Variants in CDK19 observed in about 807,000 individuals in gnomAD.
CDK19 encodes cyclin dependent kinase 19.
A neutral mutation model predicts 68.3 loss-of-function variants in CDK19; 20 were observed. The observed-to-expected ratio is 0.29, with a 90% CI of 0.21 to 0.43. CDK19 has a LOEUF of 0.43. Among genes scored for constraint, CDK19 ranks in the 20% least tolerant of loss-of-function variants. CDK19 has a pLI of 1.00. For synonymous variants in CDK19, 221 were observed against 222.8 expected (o/e 0.99, Z 0.07); for missense variants, 339 against 623.5 (o/e 0.54, Z 4.86).
intron 1 of CDK19, among the ~76,000 whole-genome samples, chr6:110,790,385 A>C (rs1342181582): frequency 2.0e-5 from 3 of 152,098 alleles, no homozygotes; most frequent in Admixed American, 1.3e-4. Context: ...AAATAGAAAA[A>C]TTAGCCCAGC....
At chr6:110,659,385 A>G (rs965238707) in intron 4 of CDK19, among the ~76,000 whole-genome samples, 3 of 152,220 alleles carry the variant, frequency 2.0e-5, no homozygotes, top group East Asian at 3.8e-4. Flanking sequence ...TCATACAGAG[A>G]TATCTTCACT....
intron 2 of CDK19, among the ~76,000 whole-genome samples, chr6:110,733,196 C>T (rs1288845506): frequency 1.3e-5 from 2 of 152,112 alleles, no homozygotes; most frequent in South Asian, 2.1e-4. Flanking sequence ...TAAATAAAAC[C>T]ATACCCATAT....
At chr6:110,686,712 C>A (rs1473874991) in intron 2 of CDK19, among the ~76,000 whole-genome samples, 1 of 151,930 alleles carries the variant, frequency 6.6e-6, no homozygotes, top group East Asian at 1.9e-4. Flanking sequence ...CAAAAATATT[C>A]AAAAAAATTA....
rs1772445139 is a variant in CDK19, at chr6:110,686,020, C to T, written c.205-15479G>A. ...GCCCATTACGTCCCATGAAGCCTTGCCCTGGGACATGGGAATGAGGCAGAA... is the reference window on the plus strand; with the variant it reads ...GCCCATTACGTCCCATGAAGCCTTGTCCTGGGACATGGGAATGAGGCAGAA... On this transcript the variant is annotated intron_variant, in intron 2 of 12. Coordinates refer to ENST00000368911, the MANE Select transcript of CDK19 (RefSeq NM_015076.5). Among the ~76,000 whole-genome samples the T allele has an allele frequency of 2.0e-5, 3 of 152,230 alleles. No individual in the cohort carries two copies. The South Asian group carries it at 6.2e-4, about 32-fold the overall frequency.
intron 1 of CDK19, among the ~76,000 whole-genome samples, chr6:110,803,707 T>C (rs1052902045): frequency 6.6e-6 from 1 of 152,214 alleles, no homozygotes; most frequent in African/African-American, 2.4e-5. Flanking sequence ...GGCTTACACT[T>C]GTAATCCCAG....
chr6:110,792,620 T>C (rs1781679623), intron 1 of CDK19, among the ~76,000 whole-genome samples: 1 of 152,204 alleles, frequency 6.6e-6, no homozygotes, highest in Non-Finnish European at 1.5e-5. Context: ...GTTGCCAGGC[T>C]GGTCTCGAAC....
intron 5 of CDK19, among the ~76,000 whole-genome samples, chr6:110,636,803 G>A (rs1037111954): frequency 6.6e-6 from 1 of 152,216 alleles, no homozygotes; most frequent in East Asian, 1.9e-4. Context: ...GGAAAAGGAC[G>A]ATGAAGGTTT....
intron 1 of CDK19, among the ~76,000 whole-genome samples, chr6:110,769,026 G>C (rs545615946): frequency 5.3e-5 from 8 of 151,236 alleles, no homozygotes; most frequent in Non-Finnish European, 1.2e-4. Context: ...ATGGTGGCAC[G>C]TGCCTGTAGT....
At chr6:110,657,276 G>T (rs1019825941) in intron 4 of CDK19, among the ~76,000 whole-genome samples, 1 of 152,128 alleles carries the variant, frequency 6.6e-6, no homozygotes, top group Non-Finnish European at 1.5e-5. Flanking sequence ...ACTGATTATG[G>T]CCCTCCCTAT....
At chr6:110,649,021 T>C (rs565969152) in intron 4 of CDK19, among the ~76,000 whole-genome samples, 52 of 152,220 alleles carry the variant, frequency 3.4e-4, no homozygotes, top group African/African-American at 1.2e-3. Flanking sequence ...CGAAACCTTA[T>C]CTTAAATGAC....
intron 6 of CDK19, 44 bp downstream of exon 6, chr6:110,631,986 G>C (rs1204965726): frequency 1.4e-5 from 22 of 1,534,478 alleles, no homozygotes; most frequent in Non-Finnish European, 2.0e-5. Context: ...TTATATTTAT[G>C]ATCGTTAGAT....
chr6:110,758,009 T>C (rs557566355), intron 1 of CDK19, among the ~76,000 whole-genome samples: 3 of 152,168 alleles, frequency 2.0e-5, no homozygotes, highest in African/African-American at 4.8e-5. Flanking sequence ...CTGGGCAACG[T>C]GGCAAGACCC....
Position 110,796,626 on chromosome 6 carries a change from G to T in CDK19, c.128+18383C>A, listed in dbSNP as rs575276324. Among the ~76,000 whole-genome samples the T allele has an allele frequency of 5.9e-4, 89 of 152,052 alleles. 1 individual carries two copies. Among genetic ancestry groups the T allele is most frequent in the African/African-American group, 2.0e-3 (81 of 41,466 alleles). On this transcript the variant is annotated intron_variant, in intron 1 of 12. Coordinates refer to ENST00000368911, the MANE Select transcript of CDK19 (RefSeq NM_015076.5). ...ACCGTACCACTGCACCCCAACCTGA[G>T]CAATATAGTGAGACCATTTCAAATA...
intron 2 of CDK19, among the ~76,000 whole-genome samples, chr6:110,717,464 T>C (rs1298362675): frequency 6.6e-6 from 1 of 152,186 alleles, no homozygotes; most frequent in Non-Finnish European, 1.5e-5. Flanking sequence ...AGAAATCTCA[T>C]GAGATAGAGA....
rs188159539 is a variant in CDK19 at position 110,701,474 on chromosome 6, C to T, written c.205-30933G>A. Among the ~76,000 whole-genome samples the T allele has an allele frequency of 2.4e-3, 368 of 150,692 alleles. 3 individuals carry two copies. The highest frequency in any genetic ancestry group is 8.7e-3 in the African/African-American group (356 of 41,130). On this transcript the variant is annotated intron_variant, in intron 2 of 12. Coordinates refer to ENST00000368911, the MANE Select transcript of CDK19 (RefSeq NM_015076.5). The stretch of plus-strand genomic sequence containing the variant: ...AACTGAGGCAGGAGAATGGCGTGAA[C>T]CCGGGAAGCAGAGGCTGCAGTGAGC...
intron 4 of CDK19, among the ~76,000 whole-genome samples, chr6:110,663,936 T>C (rs1349657757): frequency 1.3e-5 from 2 of 152,164 alleles, no homozygotes; most frequent in Non-Finnish European, 2.9e-5. Flanking sequence ...GTAAGAACCA[T>C]ATTCAGAATG....
chr6:110,741,682 T>C (rs1226652369), intron 2 of CDK19, among the ~76,000 whole-genome samples: 1 of 151,172 alleles, frequency 6.6e-6, no homozygotes, highest in Non-Finnish European at 1.5e-5. Context: ...ACCCTCTTCA[T>C]ATACAAGGGA....
In CDK19 at chr6:110,670,401, A is replaced by C. The variant is rs181573825; in HGVS notation, c.315+30T>G. 38 of 1,243,322 alleles carry C rather than the reference A, an allele frequency of 3.1e-5. No individual in the cohort carries two copies. In the African/African-American group the frequency reaches 5.4e-4, roughly 18 times the overall value. 77.0% of individuals were successfully genotyped at this position (1,243,322 alleles called of 1,614,324 possible). A position where few individuals can be genotyped will look rare whatever the true frequency, so the allele number is the denominator to read the frequency against. Reference sequence around the variant, plus strand: ...ATATGCTCCATACCTATATAAAACAATCCTAGAAATACAGTGAGATTATAC... The same window carrying C: ...ATATGCTCCATACCTATATAAAACACTCCTAGAAATACAGTGAGATTATAC... On this transcript the variant is annotated intron_variant, in intron 3 of 12. Coordinates refer to ENST00000368911, the MANE Select transcript of CDK19 (RefSeq NM_015076.5).
intron 1 of CDK19, among the ~76,000 whole-genome samples, chr6:110,794,063 T>G (rs1392917904): frequency 2.6e-5 from 4 of 152,154 alleles, no homozygotes; most frequent in Admixed American, 6.6e-5. Context: ...TTGTTTGTTT[T>G]AAGATGGAGT....
Sources: gnomAD v4.1 joint callset for allele counts (sites outside exome capture counted in the v4.1 genomes callset) on GRCh38, gnomAD v4.1.1 for gene constraint, MANE v1.5 for transcripts, NCBI Gene and HGNC (gene_info 2026-07-23, HGNC 2026-07-21) for gene names.